The following UBR4 variants were observed in gnomAD, a reference collection of about 807,000 sequenced individuals.
UBR4 encodes ubiquitin protein ligase E3 component n-recognin 4, also known as E3 ubiquitin-protein ligase UBR4.
Under a neutral mutation model 575.6 loss-of-function variants are expected in UBR4, and 124 were observed. The ratio of observed to expected loss-of-function variants is 0.22; its 90% CI spans 0.19 to 0.25. The LOEUF (loss-of-function observed/expected upper bound fraction) is 0.25. UBR4 is among the 10% of genes least tolerant of loss of function. UBR4 has a pLI of 1.00. For missense variants in UBR4, 4,818 were observed against 6,478.8 expected, an observed-to-expected ratio of 0.74 and a Z score of 8.80; for synonymous variants, 2,455 against 2,473.7, an observed-to-expected ratio of 0.99 and a Z score of 0.22.
At chr1:19,113,600 G>A in intron 77 of UBR4, 99 bp downstream of exon 77, 1 of 1,549,898 alleles carries the variant, frequency 6.5e-7, no homozygotes, top group African/African-American at 1.4e-5. Context: ...ACAACACCAA[G>A]ACCTGGACTG....
At chr1:19,168,926 C>T (rs192831002) in intron 27 of UBR4, among the ~76,000 whole-genome samples, 5 of 146,724 alleles carry the variant, frequency 3.4e-5, no homozygotes, top group African/African-American at 1.0e-4. Flanking sequence ...TGCAGTGAGC[C>T]GAGATCACGA....
At chr1:19,186,695 T>C in intron 13 of UBR4, 38 bp from the exon 14 acceptor site, 3 of 1,590,922 alleles carry the variant, frequency 1.9e-6, no homozygotes, top group East Asian at 2.2e-5. Flanking sequence ...AGCCATCCTA[T>C]TTAATCTCAT....
Position 19,106,910 on chromosome 1 carries a change from G to A in UBR4, c.12162C>T (p.Ala4054=). The part of the protein sequence containing the change: ...TVKPYCNEIH[A]QAQLWLKRDP... Reference sequence around the variant, plus strand: ...CTCTCTTGAGCCACAGTTGAGCCTGGGCATGGATCTCATTGCAGTATGGCT... The same window carrying A: ...CTCTCTTGAGCCACAGTTGAGCCTGAGCATGGATCTCATTGCAGTATGGCT... The change falls in exon 82 of 106, where the codon GCC becomes GCT. Residue 4054 remains alanine, a synonymous_variant. Transcript: ENST00000375254. The A allele has an allele frequency of 6.2e-7, 1 of 1,613,316 alleles. No homozygotes were observed. The highest frequency in any genetic ancestry group is 8.5e-7 in the Non-Finnish European group (1 of 1,179,980).
At chr1:19,145,175 A>G (rs1353724344) in intron 53 of UBR4, among the ~76,000 whole-genome samples, 2 of 152,224 alleles carry the variant, frequency 1.3e-5, no homozygotes, top group African/African-American at 2.4e-5. Flanking sequence ...CTCTCTCTGG[A>G]TATCAAAAGA....
intron 105 of UBR4, 151 bp from the exon 106 acceptor site, chr1:19,075,047 T>G (rs1570019327): frequency 1.3e-6 from 1 of 764,980 alleles, no homozygotes; most frequent in Non-Finnish European, 2.2e-6. Context: ...ACCGGGGAGG[T>G]AGTCATTGAG....
At chr1:19,186,446 T>C in intron 14 of UBR4, 94 bp downstream of exon 14, 1 of 1,146,872 alleles carries the variant, frequency 8.7e-7, no homozygotes, top group South Asian at 1.9e-5. Flanking sequence ...AAATGGAAAC[T>C]TTTGTTTGGT....
chr1:19,192,689 G>A (rs1341504167), intron 9 of UBR4, 149 bp from the exon 10 acceptor site: 5 of 820,250 alleles, frequency 6.1e-6, no homozygotes, highest in Admixed American at 2.3e-5. Context: ...CCTTCACATG[G>A]AGCTGACTCC....
chr1:19,177,484 C>T lies in UBR4; in HGVS notation c.2614G>A (p.Ala872Thr), dbSNP rs988374781. 5 of 1,614,050 alleles carry T rather than the reference C, an allele frequency of 3.1e-6. No homozygotes were observed. Among genetic ancestry groups the T allele is most frequent in the Non-Finnish European group, 4.2e-6 (5 of 1,180,002 alleles). ...FDYLLHQYSK[A>T]PVYLFEQVQH... Reference sequence around the variant, plus strand: ...ACCTGCTCAAATAGATACACAGGGGCTTTGGAGTACTGATGAAGCAGATAA... The same window carrying T: ...ACCTGCTCAAATAGATACACAGGGGTTTTGGAGTACTGATGAAGCAGATAA... The change falls in exon 19 of 106, where the codon GCC (alanine) becomes ACC (threonine). Residue 872 changes from alanine (A) to threonine (T), a missense_variant. This residue lies in a region of UBR4 where 1,172 missense variants were observed against 1,259.7 expected (regional missense o/e 0.93). Coordinates refer to ENST00000375254, the MANE Select transcript of UBR4 (RefSeq NM_020765.3).
intron 27 of UBR4, 148 bp downstream of exon 27, chr1:19,169,287 T>C: frequency 8.7e-6 from 5 of 573,474 alleles, no homozygotes; most frequent in South Asian, 8.5e-5. Flanking sequence ...ATTAAATGCA[T>C]TGATTAATGA....
At chr1:19,164,708 C>T (rs1571325852) in intron 32 of UBR4, 91 bp downstream of exon 32, 2 of 1,490,450 alleles carry the variant, frequency 1.3e-6, no homozygotes, top group Admixed American at 1.7e-5. Context: ...GCTGAGAATG[C>T]TAAGACTGGT....
intron 35 of UBR4, 60 bp downstream of exon 35, chr1:19,162,360 G>T: frequency 6.5e-7 from 1 of 1,538,494 alleles, no homozygotes; most frequent in South Asian, 1.3e-5. Context: ...CCAAAAGCTT[G>T]GTACCATGCC....
chr1:19,166,766 C>A (rs981448330), intron 29 of UBR4, among the ~76,000 whole-genome samples: 16 of 131,380 alleles, frequency 1.2e-4, no homozygotes, highest in African/African-American at 4.7e-4. Flanking sequence ...ACCAGCTGGG[C>A]ATGGTGGCAT....
intron 97 of UBR4, among the ~76,000 whole-genome samples, chr1:19,092,273 T>A (rs2077597091): frequency 6.6e-6 from 1 of 152,140 alleles, no homozygotes; most frequent in Non-Finnish European, 1.5e-5. Flanking sequence ...ACATGATTTC[T>A]CTGTATTGTT....
In UBR4 at chr1:19,174,464, AAGAG is replaced by A. The variant is rs758998045; in HGVS notation, c.2854-21_2854-18del. The A allele has an allele frequency of 2.5e-5, 40 of 1,604,682 alleles. No homozygotes were observed. The highest frequency in any genetic ancestry group is 4.4e-5 in the South Asian group (4 of 90,850). On this transcript the variant is annotated intron_variant, in intron 21 of 105. Coordinates refer to ENST00000375254, the MANE Select transcript of UBR4 (RefSeq NM_020765.3). ...GTCACATGCCTGACATCAAGAAAGA[AAGAG>A]AGTCATTTCCTTACTTTTAAAGTAT...
chr1:19,122,860 G>A lies in UBR4; in HGVS notation c.9789C>T (p.Ala3263=). 1 of 1,614,240 alleles carries A rather than the reference G, an allele frequency of 6.2e-7. No homozygotes were observed. Among genetic ancestry groups the A allele is most frequent in the Non-Finnish European group, 8.5e-7 (1 of 1,180,044 alleles). The change falls in exon 66 of 106, where the codon GCC becomes GCT. Residue 3263 remains alanine, a synonymous_variant. Transcript: ENST00000375254. ...GGCTGATGAGTGTGTCATATTGCAA[G>A]GCGGAGCCTGAGCTGGCTGTAACCA... ...ASVVTASSGS[A]LQYDTLISLM... is the part of the protein sequence containing the mutation.
intron 104 of UBR4, among the ~76,000 whole-genome samples, 179 bp from the exon 105 acceptor site, chr1:19,077,081 C>T (rs530896915): frequency 6.6e-6 from 1 of 152,198 alleles, no homozygotes; most frequent in Non-Finnish European, 1.5e-5. Flanking sequence ...AATTTCACTT[C>T]ATTCCTCTTA....
rs1223374699 is a variant in UBR4, at chr1:19,110,012, CATGAGGAGGCAGGGCACACTGCCAGGGA to C, written c.12105+56_12105+83del. 2.1e-5 allele frequency: 33 copies of C among 1,592,190 alleles called. No homozygotes were observed. In the East Asian group the frequency reaches 5.6e-4, roughly 27 times the overall value. ...GGTGGGCTCAAGGCAAAGCGGAGAC[CATGAGGAGGCAGGGCACACTGCCAGGGA>C]ATGAGGAGGGTGGCCGCCCTGCCCT... is the stretch of plus-strand genomic sequence containing the variant. On this transcript the variant is annotated intron_variant, in intron 81 of 105. Transcript: ENST00000375254. This position sits in a 1 kb window ranked among gnomAD's most constrained non-coding sequence, Gnocchi z 4.5.
rs1456944706 is a variant in UBR4, at chr1:19,088,774, G to T, written c.14415C>A (p.Gly4805=). 4.3e-6 allele frequency: 7 copies of T among 1,613,400 alleles called. No individual in the cohort carries two copies. The African/African-American group carries it at 8.0e-5, about 18-fold the overall frequency. ...GTAGCTTTACCGTCATGCCCAGGGTGCCCAGGGCCTTCTGCCTCATTGCCA... is the reference window on the plus strand; with the variant it reads ...GTAGCTTTACCGTCATGCCCAGGGTTCCCAGGGCCTTCTGCCTCATTGCCA... ...MAMAMRQKAL[G]TLGMTTNEKG... Residue 4805 remains glycine, a synonymous_variant, in exon 98 of 106, where the codon GGC becomes GGA. Transcript: ENST00000375254. This position sits in a 1 kb window ranked among gnomAD's most constrained non-coding sequence, Gnocchi z 4.0.
rs1281395544 is a variant in UBR4, at chr1:19,141,713, A to G, written c.8244T>C (p.Asn2748=). Residue 2748 remains asparagine (N), a synonymous_variant, in exon 56 of 106, where the codon AAT becomes AAC. Transcript: ENST00000375254. ...GGCTTTCCTGACGGATGTGACCACC[A>G]TTCGGGATCCCTGATGACTGCATTT... ...DEKMQSSGIP[N]GGHIRQESQE... The G allele has an allele frequency of 1.9e-6, 3 of 1,614,186 alleles. No individual in the cohort carries two copies. Among genetic ancestry groups the G allele is most frequent in the Admixed American group, 1.7e-5 (1 of 60,020 alleles).
Sources: gnomAD v4.1 joint callset for allele counts (sites outside exome capture counted in the v4.1 genomes callset) on GRCh38, gnomAD v4.1.1 for gene constraint, gnomAD v4.1.1 regional missense constraint, Gnocchi (gnomAD v3.1) non-coding constraint, MANE v1.5 for transcripts, NCBI Gene and HGNC (gene_info 2026-07-23, HGNC 2026-07-21) for gene names.